The following FGGY variants were observed in gnomAD, a reference collection of about 807,000 sequenced individuals.
FGGY encodes the protein FGGY carbohydrate kinase domain-containing protein.
In FGGY, 72 loss-of-function variants were observed where a neutral mutation model predicts 71.3. That is an observed-to-expected ratio of 1.01 (90% CI 0.84 to 1.23). The LOEUF (loss-of-function observed/expected upper bound fraction) is 1.23, where lower values mean the gene tolerates loss of function less well. FGGY is among the 50% of genes most tolerant of loss of function. The pLI is 0.00. For missense variants in FGGY, 668 were observed against 682.3 expected (o/e 0.98, Z 0.23); for synonymous variants, 251 against 250.3 (o/e 1.00, Z -0.02).
intron 13 of FGGY, among the ~76,000 whole-genome samples, chr1:59,671,869 G>A (rs1372512449): frequency 6.6e-6 from 1 of 152,092 alleles, no homozygotes; most frequent in Non-Finnish European, 1.5e-5. Context: ...TGGCAGTCTG[G>A]GTTCAGAGCA....
At chr1:59,476,334 C>A (rs2093265180) in intron 6 of FGGY, among the ~76,000 whole-genome samples, 1 of 152,208 alleles carries the variant, frequency 6.6e-6, no homozygotes, top group Non-Finnish European at 1.5e-5. Context: ...TTTAACCAGT[C>A]TAGACAGGTA....
At chr1:59,562,657 T>TA (rs1014206660) in intron 8 of FGGY, among the ~76,000 whole-genome samples, 1 of 152,108 alleles carries the variant, frequency 6.6e-6, no homozygotes, top group African/African-American at 2.4e-5. Flanking sequence ...CTTTCTTGAA[T>TA]AAAAAATAGT....
chr1:59,496,249 C>G (rs2094027092), intron 6 of FGGY, among the ~76,000 whole-genome samples: 1 of 151,912 alleles, frequency 6.6e-6, no homozygotes, highest in Non-Finnish European at 1.5e-5. Flanking sequence ...TGTCACTATT[C>G]AAAATAGCAA....
intron 14 of FGGY, among the ~76,000 whole-genome samples, chr1:59,718,855 C>T (rs2097863532): frequency 2.0e-5 from 3 of 152,246 alleles, no homozygotes; most frequent in Admixed American, 2.0e-4. Flanking sequence ...CCCCCAGACT[C>T]TCAGCCCCTG....
chr1:59,405,209 A>G (rs2062560989), intron 5 of FGGY, among the ~76,000 whole-genome samples: 1 of 152,224 alleles, frequency 6.6e-6, no homozygotes, highest in African/African-American at 2.4e-5. Flanking sequence ...AGAGGAGCAG[A>G]TGGGATAGTA....
At chr1:59,658,781 A>G (rs2153955312) in intron 11 of FGGY, among the ~76,000 whole-genome samples, 1 of 152,240 alleles carries the variant, frequency 6.6e-6, no homozygotes, top group East Asian at 1.9e-4. Context: ...TCTGTCAGCA[A>G]TTAGGAAGGA....
At chr1:59,313,330 G>A (rs2044725466) in intron 1 of FGGY, among the ~76,000 whole-genome samples, 2 of 152,112 alleles carry the variant, frequency 1.3e-5, no homozygotes, top group Admixed American at 6.5e-5. Context: ...ACATTAGACT[G>A]TCAGTTTGTT....
At chr1:59,360,916 C>A (rs374319121) in intron 4 of FGGY, among the ~76,000 whole-genome samples, 6 of 152,218 alleles carry the variant, frequency 3.9e-5, no homozygotes, top group African/African-American at 1.4e-4. Flanking sequence ...GTGGGTAGAG[C>A]TGGGGCCCAG....
At chr1:59,398,383 T>C (rs951040377) in intron 5 of FGGY, among the ~76,000 whole-genome samples, 1 of 151,958 alleles carries the variant, frequency 6.6e-6, no homozygotes, top group Non-Finnish European at 1.5e-5. Context: ...GGACTACAGG[T>C]GCACGCCACC....
At chr1:59,409,324 C>T (rs1221960987) in intron 5 of FGGY, among the ~76,000 whole-genome samples, 1 of 152,082 alleles carries the variant, frequency 6.6e-6, no homozygotes, top group African/African-American at 2.4e-5. Context: ...CTTTTATTTC[C>T]TCTGCGAGAG....
chr1:59,613,399 T>G (rs1480793169), intron 9 of FGGY, among the ~76,000 whole-genome samples: 1 of 152,176 alleles, frequency 6.6e-6, no homozygotes, highest in African/African-American at 2.4e-5. Flanking sequence ...GAATGACTAC[T>G]GGGTACATAA....
chr1:59,593,996 G>T (rs1261005787), intron 8 of FGGY, among the ~76,000 whole-genome samples: 1 of 152,194 alleles, frequency 6.6e-6, no homozygotes, highest in African/African-American at 2.4e-5. Context: ...TCATAGCTCT[G>T]CAACCCTGGG....
rs566929421 is a variant in FGGY at position 59,535,422 on chromosome 1, A to G, written c.800-18702A>G. On this transcript the variant is annotated intron_variant, in intron 7 of 15. Coordinates refer to ENST00000303721, the MANE Select transcript of FGGY (RefSeq NM_018291.5). ...CTCACTGTCAACATTAGACAGATCA[A>G]CGAGAGAGAAAGTCAACAAGGATAC... Among the ~76,000 whole-genome samples the G allele has an allele frequency of 3.3e-5, 5 of 152,278 alleles. 1 individual carries two copies. In the East Asian group the frequency reaches 9.6e-4, roughly 29 times the overall value.
chr1:59,539,947 G>A (rs1185085171), intron 7 of FGGY, among the ~76,000 whole-genome samples: 1 of 152,180 alleles, frequency 6.6e-6, no homozygotes, highest in Non-Finnish European at 1.5e-5. Context: ...GTATAAATGT[G>A]TGCATATATA....
chr1:59,500,205 C>T (rs1389388925), intron 6 of FGGY, among the ~76,000 whole-genome samples: 1 of 152,128 alleles, frequency 6.6e-6, no homozygotes, highest in Non-Finnish European at 1.5e-5. Flanking sequence ...TAAGGAAGAG[C>T]AAAGGTTTCA....
At chr1:59,745,536 CAA>C (rs1163261075) in intron 14 of FGGY, among the ~76,000 whole-genome samples, 5 of 152,170 alleles carry the variant, frequency 3.3e-5, no homozygotes, top group Non-Finnish European at 7.4e-5. Context: ...GTGCAAATTT[CAA>C]AAGTGTTCAG....
At chr1:59,560,207 T>C (rs1277650352) in intron 8 of FGGY, among the ~76,000 whole-genome samples, 1 of 152,174 alleles carries the variant, frequency 6.6e-6, no homozygotes, top group Non-Finnish European at 1.5e-5. Flanking sequence ...CCAGTCTAAT[T>C]ACCAGGAAAA....
intron 13 of FGGY, 55 bp from the exon 14 acceptor site, chr1:59,673,984 C>G (rs763024557): frequency 2.2e-5 from 34 of 1,534,462 alleles, no homozygotes; most frequent in Non-Finnish European, 2.8e-5. Context: ...CTTGTTGGCT[C>G]CTCACACTCC....
At chr1:59,698,862 A>G in intron 14 of FGGY, 2 of 985,478 alleles carry the variant, frequency 2.0e-6, no homozygotes, top group South Asian at 4.7e-5. Context: ...ACCTTAAATA[A>G]TAATGAAACT....
Sources: gnomAD v4.1 joint callset for allele counts (sites outside exome capture counted in the v4.1 genomes callset) on GRCh38, gnomAD v4.1.1 for gene constraint, MANE v1.5 for transcripts, NCBI Gene and HGNC (gene_info 2026-07-23, HGNC 2026-07-21) for gene names.